The following P3H3 variants were observed in gnomAD, a reference collection of about 807,000 sequenced individuals.
The protein encoded by P3H3 is gene rich cluster, B.
In P3H3, 64 loss-of-function variants were observed where a neutral mutation model predicts 78.1. The ratio of observed to expected loss-of-function variants is 0.82; its 90% CI spans 0.67 to 1.01. P3H3 has a LOEUF of 1.01. Among genes scored for constraint, P3H3 ranks in the 50% least tolerant of loss-of-function variants. The pLI is 0.00. For synonymous variants in P3H3, 425 were observed against 416.7 expected (o/e 1.02, Z -0.24); for missense variants, 975 against 982.2 (o/e 0.99, Z 0.10).
Position 6,830,773 on chromosome 12 carries a change from C to A in P3H3, c.985+3C>A. On this transcript the variant is annotated splice_donor_region_variant and intron_variant, in intron 4 of 14. Coordinates refer to ENST00000290510, the MANE Select transcript of P3H3 (RefSeq NM_014262.5). ...GCTACATGAGGCCCATGCTCAGGGT[C>A]AGTTGGGGAAGGGTGGAAACGGGGA... 1.9e-6 allele frequency: 3 copies of A among 1,613,934 alleles called. No individual in the cohort carries two copies. The South Asian group carries it at 3.3e-5, about 18-fold the overall frequency.
At position 6,831,804 on chromosome 12, in the gene P3H3, T is replaced by A. The variant is rs1459085153; in HGVS notation, c.1123-21T>A. On this transcript the variant is annotated intron_variant, in intron 5 of 14. Transcript: ENST00000290510. This position sits in a 1 kb window ranked among gnomAD's most constrained non-coding sequence, Gnocchi z 4.6. ...CTGCCTTCCTCCAGCTACCCCTCACTGCTCATCATCTCACCCTCAGGACAT... is the reference window on the plus strand; with the variant it reads ...CTGCCTTCCTCCAGCTACCCCTCACAGCTCATCATCTCACCCTCAGGACAT... 2.0e-6 allele frequency: 3 copies of A among 1,519,316 alleles called. No individual in the cohort carries two copies. The African/African-American group carries it at 4.1e-5, about 21-fold the overall frequency. The allele number at this position is 1,519,316 out of a possible 1,614,324, so 94.1% of individuals were successfully genotyped here. A position where few individuals can be genotyped will look rare whatever the true frequency, so the allele number is the denominator to read the frequency against.
chr12:6,837,672 C>T, intron 11 of P3H3, 60 bp from the exon 12 acceptor site: 2 of 1,584,884 alleles, frequency 1.3e-6, no homozygotes, highest in Non-Finnish European at 1.7e-6. Flanking sequence ...GGCCTGAGCC[C>T]ACAGGGTGGC....
At chr12:6,837,127 C>G (rs781917777) in intron 10 of P3H3, 41 bp downstream of exon 10, 3 of 1,521,176 alleles carry the variant, frequency 2.0e-6, no homozygotes, top group South Asian at 1.1e-5. Context: ...ATGCCCAGAC[C>G]TGGAGGAGAG....
In P3H3 at chr12:6,828,654, C is replaced by A; in HGVS notation, c.214C>A (p.Arg72=). 1.6e-6 allele frequency: 2 copies of A among 1,227,310 alleles called. No individual in the cohort carries two copies. Among genetic ancestry groups the A allele is most frequent in the Non-Finnish European group, 2.0e-6 (2 of 984,908 alleles). 76.0% of individuals were successfully genotyped at this position (1,227,310 alleles called of 1,614,324 possible). ...EALRSQAALG[R]VRLDCGASCA... ...GCTGCGGAGCCAGGCGGCGCTGGGC[C>A]GGGTGCGGCTGGATTGCGGGGCGAG... The change falls in exon 1 of 15, where the codon CGG becomes AGG. Residue 72 remains arginine, a synonymous_variant. Coordinates refer to ENST00000290510, the MANE Select transcript of P3H3 (RefSeq NM_014262.5).
chr12:6,838,480 G>A (rs765215546), intron 13 of P3H3, among the ~76,000 whole-genome samples: 5 of 152,196 alleles, frequency 3.3e-5, no homozygotes, highest in African/African-American at 4.8e-5. Context: ...ATTGTAGGAA[G>A]TAATTTAGGT....
chr12:6,828,566 T>A lies in P3H3; in HGVS notation c.126T>A (p.Ala42=), dbSNP rs182717705. 1 of 1,232,790 alleles carries A rather than the reference T, an allele frequency of 8.1e-7. No individual in the cohort carries two copies. The highest frequency in any genetic ancestry group is 1.0e-6 in the Non-Finnish European group (1 of 988,044). 76.4% of individuals were successfully genotyped at this position (1,232,790 alleles called of 1,614,324 possible). A position where few individuals can be genotyped will look rare whatever the true frequency, so the allele number is the denominator to read the frequency against. Residue 42 remains alanine (A), a synonymous_variant, in exon 1 of 15, where the codon GCT becomes GCA. Coordinates refer to ENST00000290510, the MANE Select transcript of P3H3 (RefSeq NM_014262.5). ...APPQAPDLLY[A]DGLRAYAAGA... ...CGCAGGCCCCCGACTTGCTCTACGC[T>A]GACGGGCTGCGCGCCTACGCGGCCG...
rs1555121068 is a variant in P3H3, at chr12:6,829,992, TG to T, written c.634del (p.Glu212ArgfsTer28). The T allele has an allele frequency of 6.2e-7, 1 of 1,613,964 alleles. No individual in the cohort carries two copies. Among genetic ancestry groups the T allele is most frequent in the Non-Finnish European group, 8.5e-7 (1 of 1,179,890 alleles). On this transcript the variant is annotated frameshift_variant, in exon 2 of 15. Transcript: ENST00000290510. LOFTEE classifies it high-confidence loss of function. The surrounding 1 kb of genome is among the most constrained non-coding windows in gnomAD (Gnocchi z 5.1). ...SGVRPQSFRD[L>X]ETPPHWAAYD... is the part of the protein sequence containing the mutation. Reference sequence around the variant, plus strand: ...GTTCGGCCCCAGAGCTTCCGGGACCTGGAGACGCCCCCACACTGGGTGAGAA... The same window carrying T: ...GTTCGGCCCCAGAGCTTCCGGGACCTGAGACGCCCCCACACTGGGTGAGAA...
intron 9 of P3H3, chr12:6,834,990 G>A (rs1383065858): frequency 6.6e-6 from 1 of 151,520 alleles, no homozygotes; most frequent in African/African-American, 2.4e-5. Context: ...TGCAGTTATA[G>A]AAGGCTTGCT....
chr12:6,832,883 G>A (rs1239146878), intron 6 of P3H3, among the ~76,000 whole-genome samples: 4 of 6,634 alleles, frequency 6.0e-4, no homozygotes, highest in African/African-American at 2.0e-3. Flanking sequence ...GATTACAGGC[G>A]TGAGCCACCG....
rs782098268 is a variant in P3H3 at position 6,830,970 on chromosome 12, C to T, written c.985+200C>T. ...GCTCAGGAGATGGGCTTCCTTCTGC[C>T]TTGCTGCTTCTCACCTTCCTTTATT... On this transcript the variant is annotated intron_variant, in intron 4 of 14. Transcript: ENST00000290510. 3.5e-6 allele frequency: 3 copies of T among 854,882 alleles called. No individual in the cohort carries two copies. The South Asian group carries it at 4.3e-5, about 12-fold the overall frequency. 53.0% of individuals were successfully genotyped at this position (854,882 alleles called of 1,614,324 possible).
chr12:6,838,142 AC>A, intron 13 of P3H3, 109 bp downstream of exon 13: 4 of 1,432,110 alleles, frequency 2.8e-6, no homozygotes, highest in Non-Finnish European at 3.8e-6. Flanking sequence ...AGGGCTTTTA[AC>A]CCTTTCACTT....
chr12:6,838,939 T>G, intron 13 of P3H3, 61 bp from the exon 14 acceptor site: 3 of 1,471,640 alleles, frequency 2.0e-6, no homozygotes, highest in East Asian at 2.3e-5. Flanking sequence ...CTCTAGGGAG[T>G]GAGGGCCAAG....
rs1943426318 is a variant in P3H3 at position 6,829,713 on chromosome 12, G to A, written c.499-146G>A. ...CCTCTAGGGGATCTGCAGTTCGGGCGGTGGGCGGTTCTGATTGGCCAGTCT... is the reference window on the plus strand; with the variant it reads ...CCTCTAGGGGATCTGCAGTTCGGGCAGTGGGCGGTTCTGATTGGCCAGTCT... On this transcript the variant is annotated intron_variant, in intron 1 of 14. Coordinates refer to ENST00000290510, the MANE Select transcript of P3H3 (RefSeq NM_014262.5). This position sits in a 1 kb window ranked among gnomAD's most constrained non-coding sequence, Gnocchi z 5.1. 31 of 776,798 alleles carry A rather than the reference G, an allele frequency of 4.0e-5. 1 individual carries two copies. The highest frequency in any genetic ancestry group is 3.9e-4 in the South Asian group (26 of 65,996). The allele number at this position is 776,798 out of a possible 1,614,324, so 48.1% of individuals were successfully genotyped here.
At chr12:6,834,877 G>T (rs1943480720) in intron 9 of P3H3, 2 of 151,706 alleles carry the variant, frequency 1.3e-5, no homozygotes, top group Non-Finnish European at 2.9e-5. Flanking sequence ...GGCGGAGGTT[G>T]TGGTGAGCTG....
chr12:6,834,054 G>C lies in P3H3; in HGVS notation c.1458+5G>C, dbSNP rs1555121831. 1 of 1,613,064 alleles carries C rather than the reference G, an allele frequency of 6.2e-7. No homozygotes were observed. The highest frequency in any genetic ancestry group is 2.2e-5 in the East Asian group (1 of 44,892). The stretch of plus-strand genomic sequence containing the variant: ...GTGCTGCTGCAGCTGGCTAAGGTAG[G>C]AAGACCTGCAAGCTCATCAGCTCGT... On this transcript the variant is annotated splice_donor_5th_base_variant and intron_variant, in intron 9 of 14. Transcript: ENST00000290510.
chr12:6,832,281 G>T (rs906270568), intron 6 of P3H3, among the ~76,000 whole-genome samples: 1 of 152,206 alleles, frequency 6.6e-6, no homozygotes, highest in Non-Finnish European at 1.5e-5. Flanking sequence ...AGTTATGAGA[G>T]GAAACTGCGG....
intron 9 of P3H3, among the ~76,000 whole-genome samples, chr12:6,835,869 G>GCCCT (rs1156886162): frequency 3.9e-5 from 6 of 152,142 alleles, no homozygotes; most frequent in African/African-American, 1.4e-4. Context: ...GAGTGGTAGA[G>GCCCT]CCCTCTAGTG....
intron 10 of P3H3, 38 bp downstream of exon 10, chr12:6,837,124 G>C (rs1555122271): frequency 6.5e-7 from 1 of 1,532,198 alleles, no homozygotes; most frequent in Admixed American, 1.7e-5. Context: ...CTGATGCCCA[G>C]ACCTGGAGGA....
rs1195012232 is a variant in P3H3 at position 6,828,894 on chromosome 12, C to A, written c.454C>A (p.Arg152Ser). Residue 152 changes from arginine (R) to serine (S), a missense_variant, in exon 1 of 15, where the codon CGC (arginine) becomes AGC (serine). By Grantham distance (110) the Arg-to-Ser change is moderately radical. Transcript: ENST00000290510. ...GGGGAGCGCGCTCCGGGACGCCTTC[C>A]GCCGTCGGGAGCCCTACAACTACCT... ...RVGSALRDAF[R>S]RREPYNYLQR... 4 of 1,247,276 alleles carry A rather than the reference C, an allele frequency of 3.2e-6. No individual in the cohort carries two copies. The highest frequency in any genetic ancestry group is 4.0e-6 in the Non-Finnish European group (4 of 995,788). 77.3% of individuals were successfully genotyped at this position (1,247,276 alleles called of 1,614,324 possible).
Sources: allele counts gnomAD v4.1 joint callset (sites outside exome capture counted in the v4.1 genomes callset), GRCh38; gene constraint gnomAD v4.1.1; non-coding constraint Gnocchi (gnomAD v3.1); transcripts MANE v1.5; gene names NCBI Gene and HGNC (gene_info 2026-07-23, HGNC 2026-07-21).